The following AGAP5 variants were observed in gnomAD, a reference collection of about 807,000 sequenced individuals.
The protein encoded by AGAP5 is arf-GAP with GTPase, ANK repeat and PH domain-containing protein 5.
Under a neutral mutation model 27.7 loss-of-function variants are expected in AGAP5, and 8 were observed. The observed-to-expected ratio is 0.29, with a 90% CI of 0.17 to 0.52. AGAP5 has a LOEUF of 0.52. Among genes scored for constraint, AGAP5 ranks in the 20% least tolerant of loss-of-function variants. The pLI is 0.97. For synonymous variants in AGAP5, 111 were observed against 338.0 expected, an observed-to-expected ratio of 0.33 and a Z score of 7.37; for missense variants, 285 against 880.8, an observed-to-expected ratio of 0.32 and a Z score of 8.56.
chr10:73,674,715 C>T lies in AGAP5; in HGVS notation c.1945G>A (p.Asp649Asn). 6.2e-7 allele frequency: 1 copy of T among 1,612,060 alleles called. No homozygotes were observed. Among genetic ancestry groups the T allele is most frequent in the Non-Finnish European group, 8.5e-7 (1 of 1,179,870 alleles). ...LAQLLIWYGV[D>N]VMARDAHGNT... ...CCGTGGGCATCTCGGGCCATGACGT[C>T]CACCCCGTACCAGATCAGGAGCTGT... Residue 649 changes from aspartate to asparagine, a missense_variant, in exon 8 of 8, where the codon GAC becomes AAC. Coordinates refer to ENST00000374094, the MANE Select transcript of AGAP5 (RefSeq NM_001144000.4).
chr10:73,691,863 G>A (rs80056640), intron 4 of AGAP5, among the ~76,000 whole-genome samples, 180 bp downstream of exon 4: 5 of 151,234 alleles, frequency 3.3e-5, no homozygotes, highest in Admixed American at 2.0e-4. Context: ...AGGTGGACAC[G>A]CTAAGCTAAA....
chr10:73,685,568 T>C (rs930223136), intron 4 of AGAP5, among the ~76,000 whole-genome samples: 1 of 151,402 alleles, frequency 6.6e-6, no homozygotes, highest in African/African-American at 2.4e-5. Flanking sequence ...TTTTTTTTTT[T>C]GAGATGGAGT....
chr10:73,688,046 TCTAA>T (rs1000346048), intron 4 of AGAP5, among the ~76,000 whole-genome samples: 44 of 151,688 alleles, frequency 2.9e-4, no homozygotes, highest in Middle Eastern at 3.2e-3. Flanking sequence ...GTTGCAAATC[TCTAA>T]CTAGAGCCTC....
intron 2 of AGAP5, 124 bp downstream of exon 2, chr10:73,696,971 T>A (rs1398849072): frequency 7.0e-7 from 1 of 1,434,992 alleles, no homozygotes; most frequent in African/African-American, 1.4e-5. Context: ...AAAGAAAAAA[T>A]AAGATGGGTA....
chr10:73,686,040 G>A (rs1373503456), intron 4 of AGAP5, among the ~76,000 whole-genome samples: 1 of 152,062 alleles, frequency 6.6e-6, no homozygotes, highest in Non-Finnish European at 1.5e-5. Context: ...CTTCTTCACA[G>A]AACTAGAAAA....
intron 2 of AGAP5, among the ~76,000 whole-genome samples, chr10:73,695,709 T>C (rs2082155739): frequency 6.6e-6 from 1 of 152,128 alleles, no homozygotes; most frequent in African/African-American, 2.4e-5. Context: ...TCTTTAAAAA[T>C]TAAGAGCCCA....
At chr10:73,677,373 GTTCT>G (rs1223149576) in intron 6 of AGAP5, among the ~76,000 whole-genome samples, 10 of 97,282 alleles carry the variant, frequency 1.0e-4, no homozygotes, top group African/African-American at 3.5e-4. Flanking sequence ...GGTCATAACT[GTTCT>G]TTTTTTTTTT....
chr10:73,689,473 T>G (rs2082095561), intron 4 of AGAP5, among the ~76,000 whole-genome samples: 1 of 147,616 alleles, frequency 6.8e-6, no homozygotes, highest in Non-Finnish European at 1.5e-5. Context: ...GAGGAGCCCC[T>G]CTGCCTGGCT....
At chr10:73,687,992 T>C (rs1266631357) in intron 4 of AGAP5, among the ~76,000 whole-genome samples, 2 of 152,052 alleles carry the variant, frequency 1.3e-5, no homozygotes, top group African/African-American at 4.8e-5. Flanking sequence ...AATGGCACTT[T>C]GGAAAGCAGG....
chr10:73,687,818 G>A (rs1369095898), intron 4 of AGAP5, among the ~76,000 whole-genome samples: 1 of 152,140 alleles, frequency 6.6e-6, no homozygotes, highest in Non-Finnish European at 1.5e-5. Context: ...GACCAGCACA[G>A]AAGGTTGACA....
chr10:73,690,469 T>G (rs373931603), intron 4 of AGAP5, among the ~76,000 whole-genome samples: 1 of 152,218 alleles, frequency 6.6e-6, no homozygotes, highest in South Asian at 2.1e-4. Flanking sequence ...ACACAAACAC[T>G]GCGGAAGGCC....
chr10:73,688,259 A>C (rs1201365447), intron 4 of AGAP5, among the ~76,000 whole-genome samples: 1 of 152,242 alleles, frequency 6.6e-6, no homozygotes, highest in African/African-American at 2.4e-5. Context: ...CCAGGCAGAA[A>C]ATTGGGAGAT....
chr10:73,690,275 C>A (rs1453530117), intron 4 of AGAP5, among the ~76,000 whole-genome samples: 1 of 152,216 alleles, frequency 6.6e-6, no homozygotes, highest in Non-Finnish European at 1.5e-5. Context: ...AAAAGTTCTT[C>A]TGCCTTGGGA....
chr10:73,685,472 G>C (rs1189538833), intron 4 of AGAP5, among the ~76,000 whole-genome samples: 2 of 151,886 alleles, frequency 1.3e-5, no homozygotes, highest in African/African-American at 4.8e-5. Flanking sequence ...TGTTTATGTG[G>C]TGTATCACAT....
At chr10:73,691,323 A>C (rs544211755) in intron 4 of AGAP5, among the ~76,000 whole-genome samples, 69 of 152,312 alleles carry the variant, frequency 4.5e-4, no homozygotes, top group African/African-American at 1.6e-3. Context: ...ATTTAATTAA[A>C]AAGTGTGCTA....
In AGAP5 at chr10:73,697,675, A is replaced by G; in HGVS notation, c.81T>C (p.Ser27=). The change falls in exon 1 of 8, where the codon TCT becomes TCC. Residue 27 remains serine, a synonymous_variant. Transcript: ENST00000374094. The part of the protein sequence containing the change: ...FDQQQGSVCP[S]ESEIYEAGAG... ...CTCCTGCCTCATAGATCTCAGATTC[A>G]GAGGGACACACCGACCCCTGTTGCT... 2 of 1,599,818 alleles carry G rather than the reference A, an allele frequency of 1.3e-6. No homozygotes were observed. The highest frequency in any genetic ancestry group is 1.7e-6 in the Non-Finnish European group (2 of 1,179,792).
intron 4 of AGAP5, among the ~76,000 whole-genome samples, chr10:73,688,489 C>T (rs1014708270): frequency 7.3e-5 from 11 of 151,362 alleles, no homozygotes; most frequent in Non-Finnish European, 1.6e-4. Context: ...ATTGATAGGA[C>T]CAGTCAAAAT....
At chr10:73,693,591 C>T (rs901418725) in intron 3 of AGAP5, among the ~76,000 whole-genome samples, 39 of 151,080 alleles carry the variant, frequency 2.6e-4, no homozygotes, top group African/African-American at 7.0e-4. Flanking sequence ...CCCAACTACT[C>T]GGGAGGCTGA....
At chr10:73,695,384 T>A (rs1565010411) in intron 2 of AGAP5, among the ~76,000 whole-genome samples, 1 of 152,164 alleles carries the variant, frequency 6.6e-6, no homozygotes, top group Non-Finnish European at 1.5e-5. Flanking sequence ...GCCTTATTTG[T>A]ATTGGAAAGG....
Sources: gnomAD v4.1 joint callset for allele counts (sites outside exome capture counted in the v4.1 genomes callset) on GRCh38, gnomAD v4.1.1 for gene constraint, MANE v1.5 for transcripts, NCBI Gene and HGNC (gene_info 2026-07-23, HGNC 2026-07-21) for gene names.